MIR17HG: variants seen among roughly 807,000 people sequenced by gnomAD.
The protein encoded by MIR17HG is miR-17-92a-1 cluster host gene.
intron 3 of MIR17HG, chr13:91,351,511 A>G: frequency 2.6e-6 from 1 of 385,000 alleles, no homozygotes; most frequent in Non-Finnish European, 5.6e-6. Context: ...GTGTAAATAC[A>G]TCTTGTCTTG....
At chr13:91,351,474 A>ATCTTGT in intron 3 of MIR17HG, 2 of 422,562 alleles carry the variant, frequency 4.7e-6, no homozygotes, top group South Asian at 3.6e-5. Flanking sequence ...AGATACATGA[A>ATCTTGT]ATATTAAAGA....
At chr13:91,351,964 T>C (rs1875340375) in intron 3 of MIR17HG, 1 of 153,480 alleles carries the variant, frequency 6.5e-6, no homozygotes, top group African/African-American at 2.4e-5. Flanking sequence ...ATTTATAAGC[T>C]ATAAATGACC....
chr13:91,348,045 G>GGACTGGCCCGGGGCA (rs1875050731), intron 1 of MIR17HG: 1 of 150,012 alleles, frequency 6.7e-6, no homozygotes, highest in Non-Finnish European at 1.5e-5. Context: ...GGCCCGGGGC[G>GGACTGGCCCGGGGCA]GACTGGCCCG....
chr13:91,354,247 T>C (rs1875463425), exon 4 of MIR17HG: 1 of 152,234 alleles, frequency 6.6e-6, no homozygotes, highest in South Asian at 2.1e-4. Context: ...GCTTAGTGGT[T>C]GTATGAGTTA....
At chr13:91,349,684 TTTCCCTA>T (rs1875189144) in intron 1 of MIR17HG, 2 of 152,212 alleles carry the variant, frequency 1.3e-5, no homozygotes, top group Non-Finnish European at 2.9e-5. Flanking sequence ...TTTCCTTATT[TTTCCCTA>T]TTCCAGTCAT....
intron 1 of MIR17HG, among the ~76,000 whole-genome samples, chr13:91,349,103 C>G (rs1184638337): frequency 6.6e-6 from 1 of 151,950 alleles, no homozygotes; most frequent in East Asian, 1.9e-4. Context: ...ATCGCAGGGC[C>G]GCGCTCCCCC....
chr13:91,352,430 T>A (rs2138694579), intron 3 of MIR17HG: 1 of 152,306 alleles, frequency 6.6e-6, no homozygotes, highest in East Asian at 1.9e-4. Context: ...AAGATAAGTT[T>A]TGAGAAATGT....
At chr13:91,353,302 A>G (rs1284855874) in intron 3 of MIR17HG, among the ~76,000 whole-genome samples, 1 of 152,176 alleles carries the variant, frequency 6.6e-6, no homozygotes, top group Non-Finnish European at 1.5e-5. Flanking sequence ...AAAGACTTAA[A>G]TGGCTTTTCT....
At chr13:91,351,452 G>A in intron 3 of MIR17HG, 3 of 495,372 alleles carry the variant, frequency 6.1e-6, no homozygotes, top group South Asian at 4.3e-5. Flanking sequence ...GACTTCCACT[G>A]TTAAATGTAC....
chr13:91,347,830 T>C (rs966746614), exon 1 of MIR17HG: 4 of 149,390 alleles, frequency 2.7e-5, no homozygotes, highest in East Asian at 2.0e-4. Context: ...GAAGCTCTCC[T>C]CGCGGGGCGG....
chr13:91,348,034 C>CGGCCCGGGGCGGACT (rs937147618), intron 1 of MIR17HG: 12 of 150,374 alleles, frequency 8.0e-5, no homozygotes, highest in Admixed American at 4.0e-4. Context: ...CGGGGCGGAG[C>CGGCCCGGGGCGGACT]GGCCCGGGGC....
chr13:91,354,570 C>A (rs976410378), exon 4 of MIR17HG: 1 of 152,106 alleles, frequency 6.6e-6, no homozygotes, highest in Non-Finnish European at 1.5e-5. Context: ...ATAAAAACTT[C>A]AAGGTTATTA....
chr13:91,348,886 C>T (rs1474583902), intron 1 of MIR17HG, among the ~76,000 whole-genome samples: 4 of 148,682 alleles, frequency 2.7e-5, no homozygotes, highest in Non-Finnish European at 6.0e-5. Flanking sequence ...GCGACGGGCA[C>T]CGCGGCCGCG....
chr13:91,348,950 G>C (rs1875125706), intron 1 of MIR17HG, among the ~76,000 whole-genome samples: 1 of 149,408 alleles, frequency 6.7e-6, no homozygotes, highest in Admixed American at 6.7e-5. Context: ...ACAAAGGAGG[G>C]GCGGCGCGCC....
chr13:91,352,967 G>T (rs1034000883), intron 3 of MIR17HG, among the ~76,000 whole-genome samples: 9 of 151,752 alleles, frequency 5.9e-5, no homozygotes, highest in Non-Finnish European at 1.3e-4. Flanking sequence ...AAAATTAGCC[G>T]GGTGCAGTGG....
At chr13:91,351,839 T>C (rs1420822227) in intron 3 of MIR17HG, 1 of 160,618 alleles carries the variant, frequency 6.2e-6, no homozygotes, top group African/African-American at 2.4e-5. Context: ...GCATGGAATT[T>C]AGGGTTGGGG....
chr13:91,348,033 G>GCGGCC (rs1225089462), intron 1 of MIR17HG: 1 of 150,818 alleles, frequency 6.6e-6, no homozygotes, highest in African/African-American at 2.4e-5. Flanking sequence ...GCGGGGCGGA[G>GCGGCC]CGGCCCGGGG....
At chr13:91,350,395 T>A in intron 3 of MIR17HG, 1 of 333,306 alleles carries the variant, frequency 3.0e-6, no homozygotes, top group South Asian at 2.5e-5. Flanking sequence ...ATGATTGCCT[T>A]CTGTAAAGAA....
At chr13:91,350,625 C>T (rs1446461567) in intron 3 of MIR17HG, 1 of 534,518 alleles carries the variant, frequency 1.9e-6, no homozygotes, top group Non-Finnish European at 3.8e-6. Flanking sequence ...TGTCAAAGTG[C>T]TTACAGTGCA....
Sources: gnomAD v4.1 joint callset for allele counts (sites outside exome capture counted in the v4.1 genomes callset) on GRCh38, gnomAD v4.1.1 for gene constraint, MANE v1.5 for transcripts, NCBI Gene and HGNC (gene_info 2026-07-23, HGNC 2026-07-21) for gene names.